The following RBM19 variants were observed in gnomAD, a reference collection of about 807,000 sequenced individuals.
RBM19 encodes probable RNA-binding protein 19.
RBM19 carries 94 observed loss-of-function variants against 116.8 expected under a neutral mutation model. That is an observed-to-expected ratio of 0.80 (90% CI 0.68 to 0.95). The LOEUF (loss-of-function observed/expected upper bound fraction) is 0.95, where lower values mean the gene tolerates loss of function less well. Ranked by LOEUF, RBM19 falls within the 40% of genes least tolerant of loss-of-function variation. The pLI, the probability that RBM19 is intolerant of heterozygous loss-of-function variation, is 0.00. For missense variants in RBM19, 1,161 were observed against 1,220.7 expected (o/e 0.95, Z 0.73); for synonymous variants, 475 against 494.1 (o/e 0.96, Z 0.51).
At chr12:113,830,136 C>A (rs950967941) in intron 23 of RBM19, among the ~76,000 whole-genome samples, 8 of 152,212 alleles carry the variant, frequency 5.3e-5, no homozygotes, top group African/African-American at 1.4e-4. Flanking sequence ...GCAAAGCCTG[C>A]CCCGCAGAGG....
At chr12:113,849,784 C>T (rs1427968663) in intron 22 of RBM19, among the ~76,000 whole-genome samples, 2 of 152,190 alleles carry the variant, frequency 1.3e-5, no homozygotes, top group Non-Finnish European at 2.9e-5. Context: ...GGAGCACTTC[C>T]TGCCATCATT....
chr12:113,822,149 TAG>T lies in RBM19; in HGVS notation c.*1073_*1074del, dbSNP rs1302547512. Reference sequence around the variant, plus strand: ...AGGCACAATTATCACCCCCATTTCCTAGAGAGAAAAACAGAGGCTCAGCCAGG... The same window carrying T: ...AGGCACAATTATCACCCCCATTTCCTAGAGAAAAACAGAGGCTCAGCCAGG... On this transcript the variant is annotated 3_prime_UTR_variant, in exon 24 of 24. Coordinates refer to ENST00000261741, the MANE Select transcript of RBM19 (RefSeq NM_016196.4). 6.6e-6 allele frequency: 1 copy of T among 152,226 alleles called. No individual in the cohort carries two copies. The highest frequency in any genetic ancestry group is 2.4e-5 in the African/African-American group (1 of 41,448). The allele number at this position is 152,226 out of a possible 1,614,324, so 9.4% of individuals were successfully genotyped here.
At chr12:113,878,013 G>A (rs564826897) in intron 21 of RBM19, among the ~76,000 whole-genome samples, 2 of 152,144 alleles carry the variant, frequency 1.3e-5, no homozygotes, top group African/African-American at 2.4e-5. Flanking sequence ...ACTAGAACAC[G>A]GCTACTCTTA....
chr12:113,956,440 G>A (rs765680559), intron 6 of RBM19, among the ~76,000 whole-genome samples: 4 of 151,934 alleles, frequency 2.6e-5, no homozygotes, highest in Non-Finnish European at 5.9e-5. Context: ...AATTAGCTGG[G>A]TGTGGTGGTG....
intron 21 of RBM19, among the ~76,000 whole-genome samples, chr12:113,913,472 G>C (rs1882578954): frequency 6.6e-6 from 1 of 152,200 alleles, no homozygotes; most frequent in Non-Finnish European, 1.5e-5. Flanking sequence ...ATACTGGCAG[G>C]ATTGGTCTCT....
chr12:113,911,055 G>C (rs1593571498), intron 21 of RBM19, among the ~76,000 whole-genome samples: 3 of 18,256 alleles, frequency 1.6e-4, no homozygotes, highest in African/African-American at 4.6e-4. Flanking sequence ...GGGTGGCGGT[G>C]GGGGGGGTGG....
At position 113,903,464 on chromosome 12, in the gene RBM19, T is replaced by C. The variant is rs551059375; in HGVS notation, c.2558+11505A>G. Among the ~76,000 whole-genome samples, 1 of 152,362 alleles carries C rather than the reference T, an allele frequency of 6.6e-6. No homozygotes were observed. Among genetic ancestry groups the C allele is most frequent in the South Asian group, 2.1e-4 (1 of 4,822 alleles). ...GTGAACGTGAGTTGTCATTTCTCTG[T>C]TGTTGATGCCCAAGAGTGCAATCAC... On this transcript the variant is annotated intron_variant, in intron 21 of 23. Coordinates refer to ENST00000261741, the MANE Select transcript of RBM19 (RefSeq NM_016196.4). The surrounding 1 kb of genome is among the most constrained non-coding windows in gnomAD (Gnocchi z 5.1).
chr12:113,919,686 G>A (rs1327280702), intron 19 of RBM19, among the ~76,000 whole-genome samples: 1 of 152,164 alleles, frequency 6.6e-6, no homozygotes, highest in Admixed American at 6.5e-5. Flanking sequence ...GTATCAATCT[G>A]TCCTTGTACT....
chr12:113,841,517 G>A (rs1488535021), intron 23 of RBM19, among the ~76,000 whole-genome samples: 3 of 149,706 alleles, frequency 2.0e-5, no homozygotes, highest in Admixed American at 6.8e-5. Context: ...TCCGCGTCCC[G>A]GGTTCAAGTG....
chr12:113,830,986 C>T (rs902241443), intron 23 of RBM19, among the ~76,000 whole-genome samples: 7 of 151,912 alleles, frequency 4.6e-5, no homozygotes, highest in Non-Finnish European at 1.0e-4. Flanking sequence ...TCCAGGGGGT[C>T]GGGGGAGACT....
chr12:113,843,746 C>T (rs188131149), intron 23 of RBM19, among the ~76,000 whole-genome samples: 6 of 152,292 alleles, frequency 3.9e-5, no homozygotes, highest in Admixed American at 3.9e-4. Flanking sequence ...TCCATGTGTC[C>T]AGGGTGGAGC....
chr12:113,904,553 G>A (rs1881920211), intron 21 of RBM19, among the ~76,000 whole-genome samples: 2 of 152,162 alleles, frequency 1.3e-5, no homozygotes, highest in African/African-American at 2.4e-5. Context: ...TGCAGACATC[G>A]GGAGGTATCG....
intron 23 of RBM19, among the ~76,000 whole-genome samples, chr12:113,841,328 T>C (rs886830190): frequency 5.3e-5 from 8 of 152,202 alleles, no homozygotes; most frequent in African/African-American, 1.9e-4. Flanking sequence ...CTTGGGTTCA[T>C]GGTCCCGATG....
intron 22 of RBM19, among the ~76,000 whole-genome samples, chr12:113,856,632 T>C (rs528406739): frequency 4.6e-5 from 7 of 152,328 alleles, no homozygotes; most frequent in Admixed American, 6.5e-5. Context: ...GGTGCACCCA[T>C]TGGGCTTTAA....
At chr12:113,874,370 G>A (rs1308522814) in intron 21 of RBM19, among the ~76,000 whole-genome samples, 2 of 152,204 alleles carry the variant, frequency 1.3e-5, no homozygotes, top group East Asian at 1.9e-4. Flanking sequence ...AATAAGAAAC[G>A]GGGAGTGGGA....
Position 113,914,992 on chromosome 12 carries a change from G to A in RBM19, c.2535C>T (p.Ser845=). 1 of 1,614,102 alleles carries A rather than the reference G, an allele frequency of 6.2e-7. No homozygotes were observed. The highest frequency in any genetic ancestry group is 8.5e-7 in the Non-Finnish European group (1 of 1,179,930). The change falls in exon 21 of 24, where the codon AGC becomes AGT. Residue 845 remains serine, a synonymous_variant. Coordinates refer to ENST00000261741, the MANE Select transcript of RBM19 (RefSeq NM_016196.4). The stretch of plus-strand genomic sequence containing the variant: ...ACCTGAAGAGCTCTCGGATCTCCCG[G>A]CTGTGGGCCTGGAAGGGGATGTTCC... The part of the protein sequence containing the change: ...LVRNIPFQAH[S]REIRELFSTF...
At chr12:113,940,249 A>C in intron 14 of RBM19, 89 bp from the exon 15 acceptor site, 1 of 1,363,936 alleles carries the variant, frequency 7.3e-7, no homozygotes, top group African/African-American at 1.4e-5. Context: ...CTCTCCAGAC[A>C]AGGCTCTCCA....
At chr12:113,829,777 C>A (rs1875204080) in intron 23 of RBM19, among the ~76,000 whole-genome samples, 1 of 152,200 alleles carries the variant, frequency 6.6e-6, no homozygotes, top group South Asian at 2.1e-4. Context: ...AGCACTTAGC[C>A]CAGGGCCCGG....
chr12:113,949,592 G>A (rs1871311088), intron 9 of RBM19, among the ~76,000 whole-genome samples: 1 of 151,998 alleles, frequency 6.6e-6, no homozygotes, highest in African/African-American at 2.4e-5. Flanking sequence ...CACTTGTCTT[G>A]GCCAGGGATT....
Sources: gnomAD v4.1 joint callset for allele counts (sites outside exome capture counted in the v4.1 genomes callset) on GRCh38, gnomAD v4.1.1 for gene constraint, Gnocchi (gnomAD v3.1) non-coding constraint, MANE v1.5 for transcripts, NCBI Gene and HGNC (gene_info 2026-07-23, HGNC 2026-07-21) for gene names.